Variants in CDH8 observed in about 807,000 individuals in gnomAD.
CDH8 encodes cadherin-8.
A neutral mutation model predicts 68.1 loss-of-function variants in CDH8; 17 were observed. The ratio of observed to expected loss-of-function variants is 0.25; its 90% CI spans 0.17 to 0.37. The LOEUF is 0.37. CDH8 is among the 10% of genes least tolerant of loss of function. CDH8 has a pLI of 1.00. For missense variants in CDH8, 763 were observed against 999.3 expected, an observed-to-expected ratio of 0.76 and a Z score of 3.19; for synonymous variants, 372 against 365.1, an observed-to-expected ratio of 1.02 and a Z score of -0.21.
At chr16:61,716,593 A>G (rs1176392596) in intron 9 of CDH8, among the ~76,000 whole-genome samples, 1 of 151,808 alleles carries the variant, frequency 6.6e-6, no homozygotes, top group South Asian at 2.1e-4. Context: ...AAAGATTCAT[A>G]TTCATAGTTC....
intron 7 of CDH8, among the ~76,000 whole-genome samples, chr16:61,807,934 C>T (rs1961834677): frequency 1.3e-5 from 2 of 152,158 alleles, no homozygotes; most frequent in South Asian, 4.1e-4. Flanking sequence ...CAGACTCCAT[C>T]TACTTTCAAA....
chr16:62,021,247 G>T lies in CDH8; in HGVS notation c.157C>A (p.Gln53Lys), dbSNP rs868138314. 2 of 1,613,968 alleles carry T rather than the reference G, an allele frequency of 1.2e-6. No individual in the cohort carries two copies. Among genetic ancestry groups the T allele is most frequent in the Non-Finnish European group, 1.7e-6 (2 of 1,179,930 alleles). ...CTTTTGGAGCGGTTCAAAATTCGCTGTTCTTCACCCAGACTGTTTAGTTCC... is the reference window on the plus strand; with the variant it reads ...CTTTTGGAGCGGTTCAAAATTCGCTTTTCTTCACCCAGACTGTTTAGTTCC... ...PLELNSLGEE[Q>K]RILNRSKRGW... The change falls in exon 2 of 12, where the codon CAG becomes AAG. Residue 53 changes from glutamine to lysine, a missense_variant. Physicochemically the swap from Gln to Lys is moderately conservative, Grantham distance 53. Coordinates refer to ENST00000577390, the MANE Select transcript of CDH8 (RefSeq NM_001796.5).
chr16:61,808,832 C>A (rs1472041431), intron 7 of CDH8, among the ~76,000 whole-genome samples: 1 of 152,102 alleles, frequency 6.6e-6, no homozygotes, highest in Non-Finnish European at 1.5e-5. Flanking sequence ...GTGTTCCCAG[C>A]ACAACAATTT....
rs1038889056 is a variant in CDH8, at chr16:61,730,464, T to C, written c.1415-3249A>G. On this transcript the variant is annotated intron_variant, in intron 8 of 11. Coordinates refer to ENST00000577390, the MANE Select transcript of CDH8 (RefSeq NM_001796.5). ...GCAAGCGACTAATGTTTTAGTATAATGGTCAAAGAACTCTTTGTAAATAAT... is the reference window on the plus strand; with the variant it reads ...GCAAGCGACTAATGTTTTAGTATAACGGTCAAAGAACTCTTTGTAAATAAT... 2.6e-5 allele frequency among the ~76,000 whole-genome samples: 4 copies of C among 151,498 alleles called. No homozygotes were observed. The East Asian group carries it at 7.8e-4, about 29-fold the overall frequency.
At chr16:61,992,371 C>T (rs1220744645) in intron 2 of CDH8, among the ~76,000 whole-genome samples, 2 of 139,940 alleles carry the variant, frequency 1.4e-5, no homozygotes, top group African/African-American at 2.7e-5. Context: ...TGTTCTCACT[C>T]ATAGATGGGA....
intron 2 of CDH8, among the ~76,000 whole-genome samples, chr16:62,002,700 AG>A (rs1187802760): frequency 1.3e-5 from 2 of 152,206 alleles, no homozygotes; most frequent in African/African-American, 4.8e-5. Flanking sequence ...TAAAAGTCTT[AG>A]GTGAATTTAC....
chr16:61,759,347 A>T (rs1222342266), intron 8 of CDH8, among the ~76,000 whole-genome samples: 1 of 151,926 alleles, frequency 6.6e-6, no homozygotes, highest in Admixed American at 6.6e-5. Flanking sequence ...AGAAAGAAGG[A>T]GGAAGAAGGA....
chr16:61,864,959 G>T (rs538129157), intron 3 of CDH8, among the ~76,000 whole-genome samples: 91 of 152,248 alleles, frequency 6.0e-4, no homozygotes, highest in African/African-American at 2.1e-3. Flanking sequence ...TTGCCATTTT[G>T]CTTCAGAAAC....
intron 3 of CDH8, among the ~76,000 whole-genome samples, chr16:61,896,235 AAG>A (rs2143229412): frequency 6.6e-6 from 1 of 152,366 alleles, no homozygotes; most frequent in Admixed American, 6.5e-5. Flanking sequence ...TAGAATAAAA[AAG>A]AACTGTGTCT....
At chr16:62,000,861 A>G (rs1489674575) in intron 2 of CDH8, among the ~76,000 whole-genome samples, 1 of 152,210 alleles carries the variant, frequency 6.6e-6, no homozygotes, top group Non-Finnish European at 1.5e-5. Flanking sequence ...TAGTAGTAAC[A>G]CTAGCAGTAA....
In CDH8 at chr16:61,839,715, C is replaced by A. The variant is rs547773414; in HGVS notation, c.668-14536G>T. ...TGCATAAGGCTAGATAATGTGATTC[C>A]AATTAAAGCCATGGAGAGAGCACTT... On this transcript the variant is annotated intron_variant, in intron 4 of 11. Transcript: ENST00000577390. 2.0e-5 allele frequency among the ~76,000 whole-genome samples: 3 copies of A among 152,076 alleles called. No homozygotes were observed. In the East Asian group the frequency reaches 5.8e-4, roughly 30 times the overall value.
In CDH8 at chr16:61,977,795, G is replaced by A. The variant is rs1965464134; in HGVS notation, c.252+43357C>T. ...AACGATGTCCAAACTGTGCAACCAT[G>A]GAGAAATTGTATTTATTAATTTCAT... On this transcript the variant is annotated intron_variant, in intron 2 of 11. Transcript: ENST00000577390. Among the ~76,000 whole-genome samples the A allele has an allele frequency of 2.0e-5, 3 of 152,072 alleles. No homozygotes were observed. The South Asian group carries it at 6.2e-4, about 32-fold the overall frequency.
rs1414700009 is a variant in CDH8 at position 61,648,036 on chromosome 16, C to T, written c.*5572G>A. The T allele has an allele frequency of 3.5e-6, 2 of 565,370 alleles. No individual in the cohort carries two copies. Among genetic ancestry groups the T allele is most frequent in the East Asian group, 3.0e-5 (1 of 33,778 alleles). 35.0% of individuals were successfully genotyped at this position (565,370 alleles called of 1,614,324 possible). ...AGGCACTATTTTCACCAGCAAATGC[C>T]TACTAACCTTGAGACCTAGATGAAA... On this transcript the variant is annotated 3_prime_UTR_variant, in exon 12 of 12. Transcript: ENST00000577390.
chr16:62,026,914 T>G (rs772711973), intron 1 of CDH8, among the ~76,000 whole-genome samples: 1 of 152,220 alleles, frequency 6.6e-6, no homozygotes, highest in African/African-American at 2.4e-5. Flanking sequence ...TATGTCAGTG[T>G]TATCAGTATT....
chr16:61,980,532 C>T (rs1405404114), intron 2 of CDH8, among the ~76,000 whole-genome samples: 1 of 151,954 alleles, frequency 6.6e-6, no homozygotes, highest in Non-Finnish European at 1.5e-5. Flanking sequence ...TTATAAAGCC[C>T]TTAAAATTGG....
Position 61,790,213 on chromosome 16 carries a change from T to A in CDH8, c.1278-731A>T, listed in dbSNP as rs140615166. Among the ~76,000 whole-genome samples the A allele has an allele frequency of 4.1e-3, 617 of 152,176 alleles. 1 individual carries two copies. Among genetic ancestry groups the A allele is most frequent in the Middle Eastern group, 0.014 (4 of 294 alleles). ...CTTTTATCAAGCAAACTCGTTCAGATAAGAAAATACGTGAGATGTGTGGTG... is the reference window on the plus strand; with the variant it reads ...CTTTTATCAAGCAAACTCGTTCAGAAAAGAAAATACGTGAGATGTGTGGTG... On this transcript the variant is annotated intron_variant, in intron 7 of 11. Transcript: ENST00000577390.
chr16:61,877,195 C>T (rs1436554782), intron 3 of CDH8, among the ~76,000 whole-genome samples: 1 of 151,920 alleles, frequency 6.6e-6, no homozygotes, highest in East Asian at 1.9e-4. Context: ...CTTTAAACAT[C>T]ACCATAAAGA....
intron 8 of CDH8, among the ~76,000 whole-genome samples, chr16:61,781,749 T>G (rs1384098757): frequency 6.6e-6 from 1 of 152,234 alleles, no homozygotes; most frequent in Non-Finnish European, 1.5e-5. Context: ...ACAACTTTTC[T>G]GAGAGGCTTA....
intron 8 of CDH8, among the ~76,000 whole-genome samples, chr16:61,728,503 T>C (rs1337430665): frequency 6.6e-6 from 1 of 151,036 alleles, no homozygotes; most frequent in East Asian, 1.9e-4. Flanking sequence ...TCTCACCTCA[T>C]ATACCCTTTT....
Sources: allele counts gnomAD v4.1 joint callset (sites outside exome capture counted in the v4.1 genomes callset), GRCh38; gene constraint gnomAD v4.1.1; transcripts MANE v1.5; gene names NCBI Gene and HGNC (gene_info 2026-07-23, HGNC 2026-07-21).